PTPRN2: variants seen among roughly 807,000 people sequenced by gnomAD.
PTPRN2 encodes receptor-type tyrosine-protein phosphatase N2.
PTPRN2 carries 74 observed loss-of-function variants against 118.8 expected under a neutral mutation model. That is an observed-to-expected ratio of 0.62 (90% CI 0.52 to 0.76). The LOEUF is 0.76. PTPRN2 is among the 30% of genes least tolerant of loss of function. The probability of loss-of-function intolerance (pLI) is 0.00; values close to 1 mark genes in which losing one functional copy is unlikely to be tolerated. For synonymous variants in PTPRN2, 641 were observed against 608.0 expected, an observed-to-expected ratio of 1.05 and a Z score of -0.80; for missense variants, 1,481 against 1,394.4, an observed-to-expected ratio of 1.06 and a Z score of -0.99.
chr7:157,744,251 G>C (rs369750997), intron 12 of PTPRN2, among the ~76,000 whole-genome samples: 1 of 152,170 alleles, frequency 6.6e-6, no homozygotes, highest in African/African-American at 2.4e-5. Context: ...GGTGGGCTGG[G>C]GGTCAGCTGG....
intron 1 of PTPRN2, among the ~76,000 whole-genome samples, chr7:158,564,572 ACGGGTGCATGCCAGGCCCTGGC>A (rs1258905640): frequency 4.6e-5 from 7 of 152,218 alleles, no homozygotes; most frequent in Admixed American, 1.3e-4. Context: ...GAGCCAGGAG[ACGGGTGCATGCCAGGCCCTGGC>A]CCCAGCCCCC....
intron 12 of PTPRN2, among the ~76,000 whole-genome samples, chr7:157,843,935 G>A (rs560699961): frequency 8.6e-4 from 131 of 152,294 alleles, no homozygotes; most frequent in African/African-American, 3.0e-3. Flanking sequence ...ATGTGGTGCC[G>A]TCACCAGTGC....
intron 11 of PTPRN2, among the ~76,000 whole-genome samples, chr7:158,000,431 G>A (rs1419754402): frequency 6.6e-6 from 1 of 152,022 alleles, no homozygotes; most frequent in Non-Finnish European, 1.5e-5. Flanking sequence ...GAAAGCCGTG[G>A]AGAGGCCGGG....
At position 157,966,135 on chromosome 7, in the gene PTPRN2, G is replaced by A. The variant is rs113806117; in HGVS notation, c.1724-67398C>T. The stretch of plus-strand genomic sequence containing the variant: ...TCTTCTCACTAAGAAAAGTTATCTC[G>A]GTGGCCTATAAACTCTTTGGAAATT... On this transcript the variant is annotated intron_variant, in intron 11 of 22. Transcript: ENST00000389418. Among the ~76,000 whole-genome samples the A allele has an allele frequency of 1.6e-3, 241 of 152,172 alleles. No homozygotes were observed. The South Asian group carries it at 0.016, about 10-fold the overall frequency.
chr7:157,608,733 A>T (rs1186211842), intron 15 of PTPRN2, among the ~76,000 whole-genome samples: 1 of 152,180 alleles, frequency 6.6e-6, no homozygotes, highest in Non-Finnish European at 1.5e-5. Flanking sequence ...AGATGAAGCC[A>T]GGGCAGGCCC....
intron 2 of PTPRN2, among the ~76,000 whole-genome samples, chr7:158,435,898 T>C (rs1816541178): frequency 6.6e-6 from 1 of 152,082 alleles, no homozygotes; most frequent in Non-Finnish European, 1.5e-5. Flanking sequence ...GAGAGAAGAA[T>C]GGTGGTTTCC....
chr7:157,559,585 G>C (rs950444635), intron 21 of PTPRN2, among the ~76,000 whole-genome samples: 1 of 152,188 alleles, frequency 6.6e-6, no homozygotes, highest in African/African-American at 2.4e-5. Context: ...AGGACGGAGA[G>C]GACCCAGGGA....
At chr7:158,179,458 T>A (rs1312327567) in intron 5 of PTPRN2, among the ~76,000 whole-genome samples, 2 of 152,244 alleles carry the variant, frequency 1.3e-5, no homozygotes, top group Admixed American at 6.5e-5. Context: ...GGTTTTCTGA[T>A]AATTTCTTTT....
chr7:158,113,023 C>T lies in PTPRN2; in HGVS notation c.1557-2108G>A, dbSNP rs143967624. On this transcript the variant is annotated intron_variant, in intron 9 of 22. Transcript: ENST00000389418. ...GGATCCCCCAGCATTGAGGGCCCCC[C>T]GGCATTTAGGGCCCCCCAGCATTGA... is the stretch of plus-strand genomic sequence containing the variant. Among the ~76,000 whole-genome samples the T allele has an allele frequency of 6.9e-4, 105 of 151,144 alleles. 1 individual carries two copies. In the East Asian group the frequency reaches 0.018, roughly 26 times the overall value.
chr7:158,016,449 G>A (rs937709842), intron 11 of PTPRN2, among the ~76,000 whole-genome samples: 1 of 152,224 alleles, frequency 6.6e-6, no homozygotes, highest in Non-Finnish European at 1.5e-5. Flanking sequence ...CCCTGTCCGA[G>A]GCGCGGAGCC....
chr7:158,382,184 C>T (rs572396761), intron 2 of PTPRN2, among the ~76,000 whole-genome samples: 37 of 152,270 alleles, frequency 2.4e-4, no homozygotes, highest in African/African-American at 8.2e-4. Flanking sequence ...ACCTGGGCAA[C>T]GCAGCTCAGC....
chr7:158,302,355 C>T (rs1177801705), intron 3 of PTPRN2, among the ~76,000 whole-genome samples: 3 of 152,250 alleles, frequency 2.0e-5, no homozygotes, highest in African/African-American at 7.2e-5. Context: ...ATGTGGGACA[C>T]AAAGGCCTAG....
At chr7:157,644,842 A>C (rs1053508584) in intron 14 of PTPRN2, among the ~76,000 whole-genome samples, 2 of 152,122 alleles carry the variant, frequency 1.3e-5, no homozygotes, top group African/African-American at 4.8e-5. Flanking sequence ...ACAAAACAAA[A>C]GCAGCAGCAC....
At position 157,725,463 on chromosome 7, in the gene PTPRN2, A is replaced by ACG. The variant is rs1295964229; in HGVS notation, c.1789-42527_1789-42526insCG. On this transcript the variant is annotated intron_variant, in intron 12 of 22. Coordinates refer to ENST00000389418, the MANE Select transcript of PTPRN2 (RefSeq NM_002847.5). ...AGAACTGGATATCCACATGCAGAGG[A>ACG]GTGAGCCAGACCCTCACCTCCCAGG... Among the ~76,000 whole-genome samples, 30 of 94,074 alleles carry ACG rather than the reference A, an allele frequency of 3.2e-4. 1 individual carries two copies. The highest frequency in any genetic ancestry group is 1.5e-3 in the African/African-American group (28 of 18,698). The allele number at this position is 94,074 out of a possible 152,430, so 61.7% of individuals were successfully genotyped here. A position where few individuals can be genotyped will look rare whatever the true frequency, so the allele number is the denominator to read the frequency against.
chr7:157,912,981 A>C (rs1213464503), intron 11 of PTPRN2, among the ~76,000 whole-genome samples: 2 of 152,184 alleles, frequency 1.3e-5, no homozygotes, highest in African/African-American at 4.8e-5. Context: ...GTAAATGAAT[A>C]GTTTTTGGAT....
Position 158,525,378 on chromosome 7 carries a change from G to A in PTPRN2, c.113-35593C>T, listed in dbSNP as rs1281342820. Among the ~76,000 whole-genome samples the A allele has an allele frequency of 1.3e-5, 2 of 152,226 alleles. No individual in the cohort carries two copies. The highest frequency in any genetic ancestry group is 4.8e-5 in the African/African-American group (2 of 41,462). Reference sequence around the variant, plus strand: ...AGCACGGGCAGGATGCTAGGCCCCAGGGGCCATGGGCTACGCACGGGCCAG... The same window carrying A: ...AGCACGGGCAGGATGCTAGGCCCCAAGGGCCATGGGCTACGCACGGGCCAG... On this transcript the variant is annotated intron_variant, in intron 1 of 22. Transcript: ENST00000389418. The surrounding 1 kb of genome is among the most constrained non-coding windows in gnomAD (Gnocchi z 4.1).
chr7:158,155,782 T>TACCATCATCAAC (rs1563530195), intron 6 of PTPRN2, among the ~76,000 whole-genome samples: 4 of 30,334 alleles, frequency 1.3e-4, no homozygotes, highest in Non-Finnish European at 1.8e-4. Context: ...ACACTATCAT[T>TACCATCATCAAC]ACCATCATCA....
At chr7:157,928,082 G>T (rs766536406) in intron 11 of PTPRN2, among the ~76,000 whole-genome samples, 3 of 152,138 alleles carry the variant, frequency 2.0e-5, no homozygotes, top group Admixed American at 6.5e-5. Flanking sequence ...GCACTTACTG[G>T]GAACATGCAC....
chr7:158,243,796 TATCTC>T (rs1285134480), intron 3 of PTPRN2, among the ~76,000 whole-genome samples: 2 of 152,128 alleles, frequency 1.3e-5, no homozygotes, highest in Admixed American at 1.3e-4. Context: ...CACTACTATA[TATCTC>T]CTAAGTATCA....
Sources: gnomAD v4.1 joint callset for allele counts (sites outside exome capture counted in the v4.1 genomes callset) on GRCh38, gnomAD v4.1.1 for gene constraint, Gnocchi (gnomAD v3.1) non-coding constraint, MANE v1.5 for transcripts, NCBI Gene and HGNC (gene_info 2026-07-23, HGNC 2026-07-21) for gene names.